FLG: variants seen among roughly 807,000 people sequenced by gnomAD.
The protein encoded by FLG is epidermal filaggrin.
A neutral mutation model predicts 3.8 loss-of-function variants in FLG; 6 were observed. The ratio of observed to expected loss-of-function variants is 1.60; its 90% CI spans 0.87 to 3.15. The LOEUF (loss-of-function observed/expected upper bound fraction) is 3.15. Ranked by LOEUF, FLG falls within the 30% of genes most tolerant of loss-of-function variation. The pLI is 0.00. For missense variants in FLG, 7,595 were observed against 5,050.9 expected (o/e 1.50, Z -15.27); for synonymous variants, 2,551 against 1,931.6 (o/e 1.32, Z -8.41).
rs1162338499 is a variant in FLG, at chr1:152,308,727, G to T, written c.6159C>A (p.Asp2053Glu). The stretch of plus-strand genomic sequence containing the variant: ...GTGCTGACACTGACTGTGTGTCTGA[G>T]TCTTCTGAATGTCCCTCACTGTCAC... ...QASDSEGHSE[D>E]SDTQSVSAQG... Residue 2053 changes from aspartate (D) to glutamate (E), a missense_variant, in exon 3 of 3, where the codon GAC becomes GAA. By Grantham distance (45) the Asp-to-Glu change is conservative. Transcript: ENST00000368799. 8.1e-6 allele frequency: 13 copies of T among 1,614,030 alleles called. No homozygotes were observed. The highest frequency in any genetic ancestry group is 1.7e-5 in the Admixed American group (1 of 60,030).
Position 152,305,182 on chromosome 1 carries a change from G to A in FLG, c.9704C>T (p.Ala3235Val), listed in dbSNP as rs1651874161. The change falls in exon 3 of 3, where the codon GCT becomes GTT. Residue 3235 changes from alanine to valine, a missense_variant. Coordinates refer to ENST00000368799, the MANE Select transcript of FLG (RefSeq NM_002016.2). ...SEDSERWSGS[A>V]SRNHRGSVQE... Reference sequence around the variant, plus strand: ...AACAGATCCACGATGGTTTCTGGAAGCAGACCCAGACCACCTCTCAGAGTC... The same window carrying A: ...AACAGATCCACGATGGTTTCTGGAAACAGACCCAGACCACCTCTCAGAGTC... 1.9e-6 allele frequency: 3 copies of A among 1,613,750 alleles called. No homozygotes were observed. Among genetic ancestry groups the A allele is most frequent in the South Asian group, 2.2e-5 (2 of 90,994 alleles).
In FLG at chr1:152,304,077, T is replaced by C. The variant is rs760878049; in HGVS notation, c.10809A>G (p.Ala3603=). The part of the protein sequence containing the change: ...ESSRQSGTHH[A]ENSSGGQAAS... ...CAGCCTGTCCACCAGAGGAATTCTC[T>C]GCATGATGAGTGCCTGATTGTCTGG... Residue 3603 remains alanine, a synonymous_variant, in exon 3 of 3, where the codon GCA becomes GCG. Transcript: ENST00000368799. 1.2e-6 allele frequency: 2 copies of C among 1,612,334 alleles called. No homozygotes were observed. Among genetic ancestry groups the C allele is most frequent in the Non-Finnish European group, 1.7e-6 (2 of 1,179,878 alleles).
rs1651746993 is a variant in FLG at position 152,303,731 on chromosome 1, G to A, written c.11155C>T (p.Gln3719Ter). 3 of 1,614,000 alleles carry A rather than the reference G, an allele frequency of 1.9e-6. No homozygotes were observed. Among genetic ancestry groups the A allele is most frequent in the Non-Finnish European group, 2.5e-6 (3 of 1,179,964 alleles). Residue 3719 changes from glutamine to a stop codon, truncating the protein, a stop_gained, in exon 3 of 3, where the codon CAG (glutamine) becomes TAG (stop). Coordinates refer to ENST00000368799, the MANE Select transcript of FLG (RefSeq NM_002016.2). LOFTEE classifies it low-confidence loss of function (END_TRUNC). Reference sequence around the variant, plus strand: ...GCCCGTCCATGGGCAGACTCAGACTGTTCATGAGTGCTCACCTGGTAGAGG... The same window carrying A: ...GCCCGTCCATGGGCAGACTCAGACTATTCATGAGTGCTCACCTGGTAGAGG... ...SFLYQVSTHE[Q>*]SESAHGRAGP...
chr1:152,311,067 G>A lies in FLG; in HGVS notation c.3819C>T (p.Asp1273=). The change falls in exon 3 of 3, where the codon GAC becomes GAT. Residue 1273 remains aspartate, a synonymous_variant. Coordinates refer to ENST00000368799, the MANE Select transcript of FLG (RefSeq NM_002016.2). ...CGTCTGAGTGTCTCTCACTGTCACTGTCCTGGCTAACACTGGATCCCTGGT... is the reference window on the plus strand; with the variant it reads ...CGTCTGAGTGTCTCTCACTGTCACTATCCTGGCTAACACTGGATCCCTGGT... ...SRHQGSSVSQ[D]SDSERHSDDS... The A allele has an allele frequency of 6.2e-7, 1 of 1,613,896 alleles. No homozygotes were observed. The highest frequency in any genetic ancestry group is 1.1e-5 in the South Asian group (1 of 91,060).
rs749937054 is a variant in FLG, at chr1:152,304,237, T to C, written c.10649A>G (p.Glu3550Gly). ...SQDSDSQGHS[E>G]DSERWSGSAS... ...AGACCCAGACCACCTCTCAGAGTCT[T>C]CTGAGTGTCCCTGACTGTCACTGTC... Residue 3550 changes from glutamate to glycine, a missense_variant, in exon 3 of 3, where the codon GAA becomes GGA. Physicochemically the swap from Glu to Gly is moderately conservative, Grantham distance 98. Transcript: ENST00000368799. 5.0e-6 allele frequency: 8 copies of C among 1,613,144 alleles called. No homozygotes were observed. The highest frequency in any genetic ancestry group is 6.8e-6 in the Non-Finnish European group (8 of 1,179,742).
In FLG at chr1:152,311,343, A is replaced by G. The variant is rs560068280; in HGVS notation, c.3543T>C (p.His1181=). Residue 1181 remains histidine, a synonymous_variant, in exon 3 of 3, where the codon CAT becomes CAC. Transcript: ENST00000368799. The stretch of plus-strand genomic sequence containing the variant: ...GTCCAGATCTATCTACCGATTGCTC[A>G]TGGTGGGATCCCTGCCTTCCTCCTC... The part of the protein sequence containing the change: ...SRRGGRQGSH[H]EQSVDRSGHS... 302 of 1,613,462 alleles carry G rather than the reference A, an allele frequency of 1.9e-4. No individual in the cohort carries two copies. Among genetic ancestry groups the G allele is most frequent in the South Asian group, 1.6e-3 (148 of 91,032 alleles).
Position 152,308,128 on chromosome 1 carries a change from G to A in FLG, c.6758C>T (p.Ser2253Leu). Residue 2253 changes from serine to leucine, a missense_variant, in exon 3 of 3, where the codon TCA (serine) becomes TTA (leucine). Ser to Leu is a moderately radical substitution (Grantham distance 145). Transcript: ENST00000368799. Reference sequence around the variant, plus strand: ...CCCAGACCGCCTCTCAGAATCTTCTGAGTGTCCCTCACTGTCACTGTCCTG... The same window carrying A: ...CCCAGACCGCCTCTCAGAATCTTCTAAGTGTCCCTCACTGTCACTGTCCTG... ...VSQDSDSEGH[S>L]EDSERRSGSA... 6.2e-7 allele frequency: 1 copy of A among 1,614,026 alleles called. No homozygotes were observed. Among genetic ancestry groups the A allele is most frequent in the Non-Finnish European group, 8.5e-7 (1 of 1,180,016 alleles).
In FLG at chr1:152,313,453, G is replaced by A. The variant is rs1283185251; in HGVS notation, c.1433C>T (p.Pro478Leu). ...CCCGGTCCGTCCATGGGCAGAGTCA[G>A]GCTGTTCATGAGTGCTCACCTGGTA... ...SLYQVSTHEQ[P>L]DSAHGRTGTS... The change falls in exon 3 of 3, where the codon CCT becomes CTT. Residue 478 changes from proline to leucine, a missense_variant. Transcript: ENST00000368799. The A allele has an allele frequency of 6.2e-7, 1 of 1,613,704 alleles. No individual in the cohort carries two copies. Among genetic ancestry groups the A allele is most frequent in the African/African-American group, 1.3e-5 (1 of 74,794 alleles).
Position 152,313,001 on chromosome 1 carries a change from C to T in FLG, c.1885G>A (p.Gly629Arg). The T allele has an allele frequency of 1.7e-5, 27 of 1,613,912 alleles. No homozygotes were observed. The highest frequency in any genetic ancestry group is 2.3e-5 in the Non-Finnish European group (27 of 1,179,996). The change falls in exon 3 of 3, where the codon GGA becomes AGA. Residue 629 changes from glycine to arginine, a missense_variant. Transcript: ENST00000368799. ...SSVSQDSDSQ[G>R]HSEDSERWSG... ...CACCTCTCAGAGTCTTCTGAGTGTC[C>T]CTGACTGTCACTGTCCTGGCTAACA...
At chr1:152,314,914 T>A in intron 2 of FLG, 167 bp from the exon 3 acceptor site, 1 of 744,324 alleles carries the variant, frequency 1.3e-6, no homozygotes, top group Non-Finnish European at 2.2e-6. Context: ...AGGTGTTATA[T>A]GTGAACAAAG....
rs760939572 is a variant in FLG, at chr1:152,309,217, G to A, written c.5669C>T (p.Ser1890Phe). ...HSGSRHHEASSRADSSRHSQV... is the reference protein window; with the variant it reads ...HSGSRHHEASFRADSSRHSQV... ...CGAGTGTCTAGAGCTGTCGGCCCGA[G>A]AGGAAGCTTCATGGTGACGCGACCC... The change falls in exon 3 of 3, where the codon TCT (serine) becomes TTT (phenylalanine). Residue 1890 changes from serine (S) to phenylalanine (F), a missense_variant. Ser to Phe is a radical substitution (Grantham distance 155, BLOSUM62 -2). Coordinates refer to ENST00000368799, the MANE Select transcript of FLG (RefSeq NM_002016.2). 3.7e-6 allele frequency: 6 copies of A among 1,613,702 alleles called. No individual in the cohort carries two copies. The highest frequency in any genetic ancestry group is 2.7e-5 in the African/African-American group (2 of 74,920).
At position 152,314,782 on chromosome 1, in the gene FLG, C is replaced by G. The variant is rs760493006; in HGVS notation, c.139-35G>C. ...GGGAAGTCACAGAGGGAGACTGCAT[C>G]AGACAGAATCACATTATCAGCCAAT... On this transcript the variant is annotated intron_variant, in intron 2 of 2. Transcript: ENST00000368799. The G allele has an allele frequency of 1.9e-6, 3 of 1,613,008 alleles. No homozygotes were observed. The South Asian group carries it at 3.3e-5, about 18-fold the overall frequency.
Position 152,310,206 on chromosome 1 carries a change from A to T in FLG, c.4680T>A (p.Arg1560=), listed in dbSNP as rs150495858. Residue 1560 remains arginine, a synonymous_variant, in exon 3 of 3, where the codon CGT becomes CGA. Coordinates refer to ENST00000368799, the MANE Select transcript of FLG (RefSeq NM_002016.2). ...SGDGSRHSGS[R]HHEPSTRAGS... ...CGGCCCGAGTGGAAGGTTCATGGTG[A>T]CGTGACCCTGAGTGCCTGGAGCCGT... 3 of 1,613,406 alleles carry T rather than the reference A, an allele frequency of 1.9e-6. No individual in the cohort carries two copies. Among genetic ancestry groups the T allele is most frequent in the South Asian group, 1.1e-5 (1 of 91,030 alleles).
rs377272004 is a variant in FLG at position 152,303,642 on chromosome 1, G to C, written c.11244C>G (p.His3748Gln). 5 of 1,613,864 alleles carry C rather than the reference G, an allele frequency of 3.1e-6. No individual in the cohort carries two copies. The highest frequency in any genetic ancestry group is 4.2e-6 in the Non-Finnish European group (5 of 1,179,974). ...TGTCCTGACCCTCTTGGGACGCTGA[G>C]TGCCTGGAGCTGTCTCGTGCCTGCT... ...RHEQARDSSR[H>Q]SASQEGQDTI... Residue 3748 changes from histidine to glutamine, a missense_variant, in exon 3 of 3, where the codon CAC (histidine) becomes CAG (glutamine). Coordinates refer to ENST00000368799, the MANE Select transcript of FLG (RefSeq NM_002016.2).
Position 152,310,287 on chromosome 1 carries a change from C to T in FLG, c.4599G>A (p.Gly1533=), listed in dbSNP as rs1652311180. ...TGCTTGCACTTCTGGGTCCTGACTG[C>T]CCATGGGAGGCATCAGACCTTCCCT... ...TPQGRSDASH[G]QSGPRSASRQ... is the part of the protein sequence containing the mutation. Residue 1533 remains glycine, a synonymous_variant, in exon 3 of 3, where the codon GGG becomes GGA. Transcript: ENST00000368799. The T allele has an allele frequency of 2.5e-6, 4 of 1,613,732 alleles. No homozygotes were observed. Among genetic ancestry groups the T allele is most frequent in the Middle Eastern group, 1.6e-4 (1 of 6,084 alleles).
Position 152,303,347 on chromosome 1 carries a change from G to T in FLG, c.11539C>A (p.Gln3847Lys). ...ADSSRHSQSG[Q>K]GESAGSRRSR... ...CTCCTGGACCCCGCTGATTCACCCT[G>T]GCCGGACTGTGAGTGTCTAGAGCTG... Residue 3847 changes from glutamine to lysine, a missense_variant, in exon 3 of 3, where the codon CAG becomes AAG. Coordinates refer to ENST00000368799, the MANE Select transcript of FLG (RefSeq NM_002016.2). 6.2e-7 allele frequency: 1 copy of T among 1,614,110 alleles called. No homozygotes were observed. Among genetic ancestry groups the T allele is most frequent in the Non-Finnish European group, 8.5e-7 (1 of 1,180,012 alleles).
Position 152,308,041 on chromosome 1 carries a change from G to T in FLG, c.6845C>A (p.Pro2282His). The T allele has an allele frequency of 6.2e-7, 1 of 1,614,148 alleles. No individual in the cohort carries two copies. Among genetic ancestry groups the T allele is most frequent in the Non-Finnish European group, 8.5e-7 (1 of 1,180,018 alleles). ...GGCTCTGTCTTCGTGATGGGACCTG[G>T]GGTGTCTGGAGCCATCTCTTGACTG... ...QEQSRDGSRH[P>H]RSHHEDRAGH... is the part of the protein sequence containing the mutation. The change falls in exon 3 of 3, where the codon CCC (proline) becomes CAC (histidine). Residue 2282 changes from proline to histidine, a missense_variant. By Grantham distance (77) the Pro-to-His change is moderately conservative (BLOSUM62 -2). Coordinates refer to ENST00000368799, the MANE Select transcript of FLG (RefSeq NM_002016.2).
Position 152,311,974 on chromosome 1 carries a change from C to T in FLG, c.2912G>A (p.Arg971His), listed in dbSNP as rs146104019. 6.1e-3 allele frequency: 9,786 copies of T among 1,613,512 alleles called. 52 individuals are homozygous for T. Among genetic ancestry groups the T allele is most frequent in the African/African-American group, 9.8e-3 (728 of 74,660 alleles). Reference protein sequence around the residue: ...RWSGSASRNHRGSAQEQSRHG... With the variant: ...RWSGSASRNHHGSAQEQSRHG... ...TCTTGACTGCTCCTGAGCAGATCCACGATGGTTTCTGGAAGCAGACCCAGA... is the reference window on the plus strand; with the variant it reads ...TCTTGACTGCTCCTGAGCAGATCCATGATGGTTTCTGGAAGCAGACCCAGA... Residue 971 changes from arginine (R) to histidine (H), a missense_variant, in exon 3 of 3, where the codon CGT becomes CAT. Transcript: ENST00000368799.
At position 152,303,709 on chromosome 1, in the gene FLG, C is replaced by G. The variant is rs768888609; in HGVS notation, c.11177G>C (p.Arg3726Pro). Reference protein sequence around the residue: ...THEQSESAHGRAGPSTGGRQG... With the variant: ...THEQSESAHGPAGPSTGGRQG... ...TCTTCCTCCAGTACTGGGCCCAGCCCGTCCATGGGCAGACTCAGACTGTTC... is the reference window on the plus strand; with the variant it reads ...TCTTCCTCCAGTACTGGGCCCAGCCGGTCCATGGGCAGACTCAGACTGTTC... The change falls in exon 3 of 3, where the codon CGG becomes CCG. Residue 3726 changes from arginine to proline, a missense_variant. Physicochemically the swap from Arg to Pro is moderately radical, Grantham distance 103. Coordinates refer to ENST00000368799, the MANE Select transcript of FLG (RefSeq NM_002016.2). The G allele has an allele frequency of 1.2e-6, 2 of 1,613,946 alleles. No homozygotes were observed. Among genetic ancestry groups the G allele is most frequent in the Non-Finnish European group, 1.7e-6 (2 of 1,179,970 alleles).
Sources: allele counts gnomAD v4.1 joint callset, GRCh38; gene constraint gnomAD v4.1.1; transcripts MANE v1.5; gene names NCBI Gene and HGNC (gene_info 2026-07-23, HGNC 2026-07-21).